Variants in SNX24 observed in about 807,000 individuals in gnomAD.
SNX24 encodes sorting nexin 24.
Under a neutral mutation model 28.7 loss-of-function variants are expected in SNX24, and 22 were observed. The ratio of observed to expected loss-of-function variants is 0.77; its 90% CI spans 0.55 to 1.10. SNX24 has a LOEUF of 1.10. Among genes scored for constraint, SNX24 ranks in the 50% least tolerant of loss-of-function variants. SNX24 has a pLI of 0.00. For missense variants in SNX24, 221 were observed against 201.1 expected (o/e 1.10, Z -0.60); for synonymous variants, 69 against 71.5 (o/e 0.96, Z 0.18).
chr5:122,963,330 G>A (rs1383373650), intron 3 of SNX24, among the ~76,000 whole-genome samples: 1 of 152,194 alleles, frequency 6.6e-6, no homozygotes, highest in Non-Finnish European at 1.5e-5. Context: ...CTGGTGGGAT[G>A]TGGGGTGATG....
chr5:122,987,503 G>T (rs1012822999), intron 3 of SNX24, among the ~76,000 whole-genome samples: 1 of 152,060 alleles, frequency 6.6e-6, no homozygotes, highest in Non-Finnish European at 1.5e-5. Flanking sequence ...AGTCTTTTTT[G>T]TATTCTGTGA....
intron 1 of SNX24, among the ~76,000 whole-genome samples, chr5:122,859,870 TTAAA>T (rs1182722653): frequency 2.0e-5 from 3 of 152,150 alleles, no homozygotes; most frequent in Admixed American, 1.3e-4. Flanking sequence ...ATAAGTGAAT[TTAAA>T]TATTTTCTGG....
Position 122,986,455 on chromosome 5 carries a change from G to C in SNX24, c.250-13457G>C, listed in dbSNP as rs189795189. 3.9e-3 allele frequency among the ~76,000 whole-genome samples: 592 copies of C among 152,234 alleles called. 2 individuals carry two copies. Among genetic ancestry groups the C allele is most frequent in the Non-Finnish European group, 5.5e-3 (371 of 68,016 alleles). On this transcript the variant is annotated intron_variant, in intron 3 of 6. Transcript: ENST00000261369. ...AGGCTACAAAGGAGAGTGAGAATGT[G>C]ATCTGAAACAAACCCAAAGAGTCAC...
intron 2 of SNX24, among the ~76,000 whole-genome samples, chr5:122,943,779 C>T (rs1759564089): frequency 6.6e-6 from 1 of 152,210 alleles, no homozygotes; most frequent in African/African-American, 2.4e-5. Flanking sequence ...ACAGGTCCCA[C>T]TCATGCTCAA....
At chr5:123,002,961 C>A (rs950252224) in intron 6 of SNX24, among the ~76,000 whole-genome samples, 2 of 152,170 alleles carry the variant, frequency 1.3e-5, no homozygotes, top group Non-Finnish European at 2.9e-5. Flanking sequence ...CCTGACTTGT[C>A]CACTCTCAGA....
At chr5:122,847,545 G>C (rs1281381085) in intron 1 of SNX24, among the ~76,000 whole-genome samples, 8 of 132,638 alleles carry the variant, frequency 6.0e-5, no homozygotes. Flanking sequence ...CCAGGCTGGA[G>C]TGCAGTGGGG....
chr5:122,923,883 A>G (rs1230188465), intron 1 of SNX24, among the ~76,000 whole-genome samples: 2 of 152,232 alleles, frequency 1.3e-5, no homozygotes, highest in African/African-American at 4.8e-5. Flanking sequence ...TTCATCCATC[A>G]TATGTGTGTG....
At chr5:122,875,887 C>G (rs1488706104) in intron 1 of SNX24, among the ~76,000 whole-genome samples, 9 of 152,218 alleles carry the variant, frequency 5.9e-5, no homozygotes. Flanking sequence ...CTCTCAGGTT[C>G]AAGCGATTCT....
chr5:122,901,933 A>G (rs943593171), intron 1 of SNX24, among the ~76,000 whole-genome samples: 5 of 152,194 alleles, frequency 3.3e-5, no homozygotes, highest in African/African-American at 1.2e-4. Context: ...TATCCGTTCC[A>G]TCTTTCTCTC....
intron 1 of SNX24, among the ~76,000 whole-genome samples, chr5:122,886,541 G>A (rs892621361): frequency 4.6e-5 from 7 of 152,102 alleles, no homozygotes; most frequent in East Asian, 3.8e-4. Flanking sequence ...CGGGCCGGGC[G>A]CAGTGGCTCA....
chr5:122,923,200 A>G (rs1343133055), intron 1 of SNX24, among the ~76,000 whole-genome samples: 2 of 152,098 alleles, frequency 1.3e-5, no homozygotes, highest in African/African-American at 4.8e-5. Context: ...TTAGCCAGGC[A>G]TGGTGGCATG....
chr5:122,890,901 C>T (rs933160500), intron 1 of SNX24: 2 of 954,690 alleles, frequency 2.1e-6, no homozygotes, highest in African/African-American at 3.4e-5. Context: ...TTTTCAGAAA[C>T]AGGAATTGTT....
rs75820587 is a variant in SNX24, at chr5:122,903,430, A to G, written c.61-33304A>G. ...GTGCCACGCCTCCTCTGCACTTTTAATGTACCCTGTTTATGTTTCTTCTAT... is the reference window on the plus strand; with the variant it reads ...GTGCCACGCCTCCTCTGCACTTTTAGTGTACCCTGTTTATGTTTCTTCTAT... On this transcript the variant is annotated intron_variant, in intron 1 of 6. Coordinates refer to ENST00000261369, the MANE Select transcript of SNX24 (RefSeq NM_014035.4). Among the ~76,000 whole-genome samples, 1,266 of 152,170 alleles carry G rather than the reference A, an allele frequency of 8.3e-3. 18 individuals are homozygous for G. Among genetic ancestry groups the G allele is most frequent in the African/African-American group, 0.029 (1,200 of 41,514 alleles).
intron 3 of SNX24, among the ~76,000 whole-genome samples, chr5:122,988,476 C>T (rs779447012): frequency 6.6e-6 from 1 of 152,194 alleles, no homozygotes; most frequent in Non-Finnish European, 1.5e-5. Flanking sequence ...TAAATTCTTG[C>T]TATCCCCCTT....
chr5:123,021,441 A>G (rs1392337528), intron 5 of SNX24, among the ~76,000 whole-genome samples: 1 of 152,172 alleles, frequency 6.6e-6, no homozygotes, highest in African/African-American at 2.4e-5. Flanking sequence ...GAAAAATAAG[A>G]AATTGGGCAG....
At chr5:122,857,488 A>G (rs531059133) in intron 1 of SNX24, among the ~76,000 whole-genome samples, 1 of 151,834 alleles carries the variant, frequency 6.6e-6, no homozygotes, top group African/African-American at 2.4e-5. Context: ...GGTTTGGTGT[A>G]CAGATTATCT....
At chr5:122,891,999 C>T (rs528170599) in intron 1 of SNX24, among the ~76,000 whole-genome samples, 2 of 152,246 alleles carry the variant, frequency 1.3e-5, no homozygotes, top group South Asian at 4.1e-4. Flanking sequence ...AGGACCTTCA[C>T]AAATGGGGAA....
At chr5:122,949,908 T>C (rs1024277508) in intron 3 of SNX24, among the ~76,000 whole-genome samples, 4 of 152,176 alleles carry the variant, frequency 2.6e-5, no homozygotes, top group African/African-American at 9.7e-5. Context: ...ATATTTGGCA[T>C]TTGAGTAATT....
intron 3 of SNX24, among the ~76,000 whole-genome samples, chr5:122,995,590 G>T (rs1010274483): frequency 2.6e-5 from 4 of 152,048 alleles, no homozygotes; most frequent in African/African-American, 9.7e-5. Flanking sequence ...CATGATTCTC[G>T]CACATAAACA....
Sources: gnomAD v4.1 joint callset for allele counts (sites outside exome capture counted in the v4.1 genomes callset) on GRCh38, gnomAD v4.1.1 for gene constraint, MANE v1.5 for transcripts, NCBI Gene and HGNC (gene_info 2026-07-23, HGNC 2026-07-21) for gene names.